Variants in ABCB4 observed in about 807,000 individuals in gnomAD.
ABCB4 encodes the protein phosphatidylcholine translocator ABCB4.
ABCB4 carries 76 observed loss-of-function variants against 145.7 expected under a neutral mutation model. That is an observed-to-expected ratio of 0.52 (90% CI 0.43 to 0.63). The LOEUF (loss-of-function observed/expected upper bound fraction) is 0.63, where lower values mean the gene tolerates loss of function less well. Ranked by LOEUF, ABCB4 falls within the 30% of genes least tolerant of loss-of-function variation. The pLI, the probability that ABCB4 is intolerant of heterozygous loss-of-function variation, is 0.00. For missense variants in ABCB4, 1,234 were observed against 1,553.1 expected (o/e 0.79, Z 3.45); for synonymous variants, 517 against 566.8 (o/e 0.91, Z 1.25).
chr7:87,404,477 A>G (rs931240081), intron 26 of ABCB4, among the ~76,000 whole-genome samples: 3 of 152,210 alleles, frequency 2.0e-5, no homozygotes, highest in African/African-American at 7.2e-5. Flanking sequence ...TAGACTTGAC[A>G]CTGAAAGCAT....
rs1207774027 is a variant in ABCB4 at position 87,409,378 on chromosome 7, A to G, written c.2939T>C (p.Ile980Thr). Residue 980 changes from isoleucine (I) to threonine (T), a missense_variant, in exon 24 of 28, where the codon ATT becomes ACT. Physicochemically the swap from Ile to Thr is moderately conservative, Grantham distance 89. Transcript: ENST00000649586. ...FRDVILVFSA[I>T]VFGAVALGHA... is the part of the protein sequence containing the mutation. ...TCCTAGAGCCACTGCACCAAATACA[A>G]TTGCAGAAAACACCCTAGACAGAAG... 4 of 1,613,896 alleles carry G rather than the reference A, an allele frequency of 2.5e-6. No homozygotes were observed. The highest frequency in any genetic ancestry group is 3.4e-6 in the Non-Finnish European group (4 of 1,179,910).
intron 6 of ABCB4, chr7:87,452,600 A>G (rs1461242492): frequency 8.8e-6 from 3 of 341,940 alleles, no homozygotes; most frequent in African/African-American, 6.3e-5. Flanking sequence ...CAATTACTAA[A>G]GCAAGTCTCT....
chr7:87,451,588 G>A, intron 7 of ABCB4, 35 bp downstream of exon 7: 1 of 1,610,866 alleles, frequency 6.2e-7, no homozygotes, highest in Non-Finnish European at 8.5e-7. Flanking sequence ...GTGTGCAGGG[G>A]TTAACACACA....
At chr7:87,404,799 T>C (rs911721658) in intron 26 of ABCB4, among the ~76,000 whole-genome samples, 4 of 152,180 alleles carry the variant, frequency 2.6e-5, no homozygotes, top group Non-Finnish European at 5.9e-5. Flanking sequence ...GGGAAATGCA[T>C]ATTAAAGCCA....
In ABCB4 at chr7:87,428,041, A is replaced by T. The variant is rs1477621867; in HGVS notation, c.1894-1121T>A. ...CTTCCCACTACCTGCCCAAGCCTGG[A>T]TCCCCAAAAATCTAGCTCATGGCAA... On this transcript the variant is annotated intron_variant, in intron 15 of 27. Coordinates refer to ENST00000649586, the MANE Select transcript of ABCB4 (RefSeq NM_000443.4). 2.0e-5 allele frequency among the ~76,000 whole-genome samples: 3 copies of T among 152,096 alleles called. No individual in the cohort carries two copies. In the East Asian group the frequency reaches 5.8e-4, roughly 29 times the overall value.
At chr7:87,470,079 T>C (rs1185245178) in intron 3 of ABCB4, among the ~76,000 whole-genome samples, 3 of 152,184 alleles carry the variant, frequency 2.0e-5, no homozygotes, top group Non-Finnish European at 4.4e-5. Flanking sequence ...TCTACAACTA[T>C]CTGATCTTTG....
chr7:87,394,120 T>C, the ABCB4 span, among the ~76,000 whole-genome samples: 4 of 152,104 alleles, frequency 2.6e-5, no homozygotes, highest in Non-Finnish European at 4.4e-5. Flanking sequence ...TGTAAACAAA[T>C]GTAAAGATGC....
At chr7:87,460,262 A>T (rs1198519453) in intron 4 of ABCB4, among the ~76,000 whole-genome samples, 1 of 152,062 alleles carries the variant, frequency 6.6e-6, no homozygotes, top group Non-Finnish European at 1.5e-5. Flanking sequence ...GGGAGTCTGC[A>T]TTTCTTTTTT....
downstream of ABCB4, chr7:87,398,245 G>A (rs1807609850): frequency 1.2e-5 from 7 of 575,708 alleles, no homozygotes; most frequent in South Asian, 1.1e-4. Context: ...TTTTTGTTCT[G>A]TTTTAAACGC....
chr7:87,453,235 G>A (rs1002272537), intron 5 of ABCB4, 100 bp from the exon 6 acceptor site: 13 of 1,185,054 alleles, frequency 1.1e-5, no homozygotes, highest in Non-Finnish European at 1.3e-5. Context: ...CCAGGCTGGA[G>A]TGCAGTGGCA....
At chr7:87,383,932 C>T in the ABCB4 span, among the ~76,000 whole-genome samples, 1 of 152,046 alleles carries the variant, frequency 6.6e-6, no homozygotes, top group Non-Finnish European at 1.5e-5. Flanking sequence ...TGGATATATA[C>T]CTAGCAGTGG....
chr7:87,372,600 T>A, the ABCB4 span, among the ~76,000 whole-genome samples: 1 of 152,190 alleles, frequency 6.6e-6, no homozygotes, highest in Non-Finnish European at 1.5e-5. Flanking sequence ...TTTCTGTTTT[T>A]GCCTTAAAAA....
At chr7:87,428,554 C>G (rs887113282) in intron 15 of ABCB4, among the ~76,000 whole-genome samples, 14 of 151,922 alleles carry the variant, frequency 9.2e-5, no homozygotes, top group Admixed American at 5.2e-4. Flanking sequence ...CAGCCAAATA[C>G]AACAAAGTGA....
the ABCB4 span, among the ~76,000 whole-genome samples, chr7:87,373,139 C>T: frequency 3.9e-5 from 6 of 151,920 alleles, no homozygotes; most frequent in East Asian, 3.9e-4. Context: ...TTTATTGTAG[C>T]GATGCTAGTA....
chr7:87,377,019 A>G, the ABCB4 span, among the ~76,000 whole-genome samples: 1 of 152,146 alleles, frequency 6.6e-6, no homozygotes, highest in Non-Finnish European at 1.5e-5. Context: ...CTAAACTTTT[A>G]TCAAGATCTT....
the ABCB4 span, chr7:87,392,724 T>C: frequency 2.6e-4 from 418 of 1,612,996 alleles, no homozygotes; most frequent in Non-Finnish European, 3.3e-4. Flanking sequence ...TGGGGTTTCA[T>C]TGCAGGATTT....
chr7:87,460,211 C>T (rs917218036), intron 4 of ABCB4, among the ~76,000 whole-genome samples: 1 of 152,282 alleles, frequency 6.6e-6, no homozygotes, highest in South Asian at 2.1e-4. Context: ...AAATGTCTTG[C>T]TAAAATACCA....
chr7:87,441,475 A>T (rs995360309), intron 12 of ABCB4, among the ~76,000 whole-genome samples: 5 of 152,172 alleles, frequency 3.3e-5, no homozygotes, highest in African/African-American at 1.2e-4. Context: ...GCATGTTCAT[A>T]ATGAGCAGGG....
At chr7:87,443,537 CAAAT>C (rs1319797295) in intron 11 of ABCB4, 93 bp from the exon 12 acceptor site, 2 of 1,570,174 alleles carry the variant, frequency 1.3e-6, no homozygotes, top group Non-Finnish European at 1.7e-6. Context: ...AAAAAAGTAT[CAAAT>C]AAGGGAATAT....
Sources: gnomAD v4.1 joint callset for allele counts (sites outside exome capture counted in the v4.1 genomes callset) on GRCh38, gnomAD v4.1.1 for gene constraint, MANE v1.5 for transcripts, NCBI Gene and HGNC (gene_info 2026-07-23, HGNC 2026-07-21) for gene names.